The following HMGXB3 variants were observed in gnomAD, a reference collection of about 807,000 sequenced individuals.
HMGXB3 encodes the protein HMG-box containing 3, also known as HMG domain-containing protein 3.
HMGXB3 carries 45 observed loss-of-function variants against 121.5 expected under a neutral mutation model. The observed-to-expected ratio is 0.37, with a 90% CI of 0.29 to 0.47. The LOEUF is 0.47. Ranked by LOEUF, HMGXB3 falls within the 20% of genes least tolerant of loss-of-function variation. The probability of loss-of-function intolerance (pLI) is 0.99; values close to 1 mark genes in which losing one functional copy is unlikely to be tolerated. For missense variants in HMGXB3, 1,376 were observed against 1,602.2 expected (o/e 0.86, Z 2.41); for synonymous variants, 590 against 624.1 (o/e 0.95, Z 0.81).
chr5:150,024,566 A>C lies in HMGXB3; in HGVS notation c.1346A>C (p.Gln449Pro). ...TKTPVVKSGV[Q>P]PEVTLGTTDN... Reference sequence around the variant, plus strand: ...ACGCCAGTCGTCAAAAGTGGTGTGCAGCCTGAGGTCACTCTGGGGACAACT... The same window carrying C: ...ACGCCAGTCGTCAAAAGTGGTGTGCCGCCTGAGGTCACTCTGGGGACAACT... The change falls in exon 7 of 20, where the codon CAG becomes CCG. Residue 449 changes from glutamine (Q) to proline (P), a missense_variant. Coordinates refer to ENST00000502717, the MANE Select transcript of HMGXB3 (RefSeq NM_014983.3). 1.9e-6 allele frequency: 3 copies of C among 1,551,786 alleles called. No homozygotes were observed. Among genetic ancestry groups the C allele is most frequent in the Non-Finnish European group, 2.6e-6 (3 of 1,147,010 alleles).
At chr5:150,011,722 A>G (rs1755845743) in intron 4 of HMGXB3, among the ~76,000 whole-genome samples, 1 of 150,232 alleles carries the variant, frequency 6.7e-6, no homozygotes. Context: ...CTCCTGCCTC[A>G]GCCTCCAAGT....
rs550573130 is a variant in HMGXB3 at position 150,001,872 on chromosome 5, C to T, written c.-3+693C>T. 5.3e-5 allele frequency among the ~76,000 whole-genome samples: 8 copies of T among 152,318 alleles called. No homozygotes were observed. In the South Asian group the frequency reaches 1.7e-3, roughly 32 times the overall value. On this transcript the variant is annotated intron_variant, in intron 1 of 19. Transcript: ENST00000502717. ...CTATATGCCATTCATTACAGATGCT[C>T]TCCTGCAGTTACTGCCCTTCTCCAC...
chr5:150,034,188 T>G (rs1438766386), intron 11 of HMGXB3, among the ~76,000 whole-genome samples: 4 of 152,220 alleles, frequency 2.6e-5, no homozygotes, highest in African/African-American at 9.6e-5. Flanking sequence ...CTGCTGGAAG[T>G]AAGCTTTCTT....
In HMGXB3 at chr5:150,045,520, G is replaced by A. The variant is rs2113760904; in HGVS notation, c.2785G>A (p.Ala929Thr). 1 of 1,552,318 alleles carries A rather than the reference G, an allele frequency of 6.4e-7. No homozygotes were observed. Among genetic ancestry groups the A allele is most frequent in the East Asian group, 2.4e-5 (1 of 40,920 alleles). Residue 929 changes from alanine to threonine, a missense_variant, in exon 16 of 20, where the codon GCC becomes ACC. Ala to Thr is a moderately conservative substitution (Grantham distance 58). Coordinates refer to ENST00000502717, the MANE Select transcript of HMGXB3 (RefSeq NM_014983.3). ...SNEVNVEDFW[A>T]TMETEVIEQV... ...TGAGGTAAATGTGGAGGACTTTTGG[G>A]CCACGATGGAGACAGAGGTGATTGA...
chr5:150,045,012 G>A (rs1035510086), intron 15 of HMGXB3, among the ~76,000 whole-genome samples: 2 of 152,220 alleles, frequency 1.3e-5, no homozygotes, highest in Admixed American at 1.3e-4. Context: ...GTTCTTGCCA[G>A]CCTGGTATCA....
Position 150,052,535 on chromosome 5 carries a change from C to T in HMGXB3, c.*343C>T. The T allele has an allele frequency of 3.7e-6, 1 of 269,352 alleles. No individual in the cohort carries two copies. Among genetic ancestry groups the T allele is most frequent in the Non-Finnish European group, 7.1e-6 (1 of 140,454 alleles). 16.7% of individuals were successfully genotyped at this position (269,352 alleles called of 1,614,324 possible). On this transcript the variant is annotated 3_prime_UTR_variant, in exon 20 of 20. Coordinates refer to ENST00000502717, the MANE Select transcript of HMGXB3 (RefSeq NM_014983.3). ...GGTCAGGGTGGAGGTCCTGGGTGGG[C>T]TAAGGCGTGAGCCCCAGCACTAGGT...
chr5:150,036,028 C>G (rs1441145735), intron 11 of HMGXB3, among the ~76,000 whole-genome samples: 1 of 152,088 alleles, frequency 6.6e-6, no homozygotes, highest in South Asian at 2.1e-4. Flanking sequence ...TTTTTATGCC[C>G]CATTTCACAG....
intron 13 of HMGXB3, among the ~76,000 whole-genome samples, chr5:150,038,653 C>G (rs1478950575): frequency 2.6e-5 from 4 of 152,194 alleles, no homozygotes; most frequent in African/African-American, 7.2e-5. Flanking sequence ...TCATCTTTAT[C>G]CATATAGTGT....
intron 5 of HMGXB3, 37 bp downstream of exon 5, chr5:150,012,390 G>A (rs1171038019): frequency 2.2e-6 from 3 of 1,365,852 alleles, no homozygotes; most frequent in Non-Finnish European, 3.1e-6. Flanking sequence ...GGCAATTAGG[G>A]TGTCATAAGC....
At position 150,006,342 on chromosome 5, in the gene HMGXB3, C is replaced by G. The variant is rs1755700436; in HGVS notation, c.138-131C>G. 6.4e-6 allele frequency: 4 copies of G among 629,330 alleles called. No individual in the cohort carries two copies. In the South Asian group the frequency reaches 1.3e-4, roughly 20 times the overall value. The allele number at this position is 629,330 out of a possible 1,614,324, so 39.0% of individuals were successfully genotyped here. On this transcript the variant is annotated intron_variant, in intron 2 of 19. Coordinates refer to ENST00000502717, the MANE Select transcript of HMGXB3 (RefSeq NM_014983.3). ...TAGGTTTTATCAACCTCTTGACTAC[C>G]CATATCTTAGCATAGTAGTACTTAC...
Position 150,000,783 on chromosome 5 carries a change from G to C in HMGXB3, c.-399G>C. The C allele has an allele frequency of 6.5e-6, 1 of 154,832 alleles. No homozygotes were observed. The highest frequency in any genetic ancestry group is 5.2e-4 in the Middle Eastern group (1 of 1,910). The allele number at this position is 154,832 out of a possible 1,614,324, so 9.6% of individuals were successfully genotyped here. ...CTGCCGGTGCAGCCGCCAAACCGGTGCCTCGGTGACGACCGTGTCCCTGCC... is the reference window on the plus strand; with the variant it reads ...CTGCCGGTGCAGCCGCCAAACCGGTCCCTCGGTGACGACCGTGTCCCTGCC... On this transcript the variant is annotated 5_prime_UTR_variant, in exon 1 of 20. Transcript: ENST00000502717.
chr5:150,028,537 G>GTC (rs1739540436), intron 9 of HMGXB3, among the ~76,000 whole-genome samples: 1 of 57,658 alleles, frequency 1.7e-5, no homozygotes, highest in Non-Finnish European at 3.3e-5. Context: ...GTGTGTGTGT[G>GTC]TGTGTATATA....
chr5:150,032,431 G>C, intron 10 of HMGXB3, 23 bp from the exon 11 acceptor site: 2 of 1,548,528 alleles, frequency 1.3e-6, no homozygotes, highest in African/African-American at 2.7e-5. Context: ...TTGTAGAATT[G>C]AACACTGGTC....
rs914650061 is a variant in HMGXB3, at chr5:150,052,193, G to A, written c.*1G>A. The A allele has an allele frequency of 5.8e-6, 9 of 1,540,296 alleles. No individual in the cohort carries two copies. Among genetic ancestry groups the A allele is most frequent in the South Asian group, 4.8e-5 (4 of 83,546 alleles). On this transcript the variant is annotated 3_prime_UTR_variant, in exon 20 of 20. Transcript: ENST00000502717. ...GGAGGTGGCCGCAGTGGCAGAATAA[G>A]CCAGGCTGTTGTACAGGGACTACAC...
chr5:150,006,703 G>A, intron 3 of HMGXB3, 56 bp downstream of exon 3: 2 of 1,438,524 alleles, frequency 1.4e-6, no homozygotes, highest in Admixed American at 2.2e-5. Context: ...TGAAGGCCTT[G>A]GGAAAACCAA....
chr5:150,021,831 A>G, intron 6 of HMGXB3: 1 of 508,196 alleles, frequency 2.0e-6, no homozygotes, highest in Non-Finnish European at 3.9e-6. Flanking sequence ...TTCTCCAGGG[A>G]TTTTATGTTG....
At chr5:150,010,734 C>A in intron 4 of HMGXB3, 126 bp downstream of exon 4, 1 of 930,008 alleles carries the variant, frequency 1.1e-6, no homozygotes, top group Non-Finnish European at 1.6e-6. Flanking sequence ...ACTGATACTG[C>A]AGTTCTCTTG....
rs1363573997 is a variant in HMGXB3 at position 150,052,195 on chromosome 5, C to T, written c.*3C>T. 2.0e-6 allele frequency: 3 copies of T among 1,538,046 alleles called. No individual in the cohort carries two copies. The highest frequency in any genetic ancestry group is 1.8e-6 in the Non-Finnish European group (2 of 1,139,952). On this transcript the variant is annotated 3_prime_UTR_variant, in exon 20 of 20. Transcript: ENST00000502717. ...AGGTGGCCGCAGTGGCAGAATAAGCCAGGCTGTTGTACAGGGACTACACCA... is the reference window on the plus strand; with the variant it reads ...AGGTGGCCGCAGTGGCAGAATAAGCTAGGCTGTTGTACAGGGACTACACCA...
At chr5:150,017,007 C>T (rs1356937728) in intron 5 of HMGXB3, among the ~76,000 whole-genome samples, 1 of 152,184 alleles carries the variant, frequency 6.6e-6, no homozygotes. Flanking sequence ...AAAATAGGAA[C>T]AGCCTGCAGC....
Sources: allele counts gnomAD v4.1 joint callset (sites outside exome capture counted in the v4.1 genomes callset), GRCh38; gene constraint gnomAD v4.1.1; transcripts MANE v1.5; gene names NCBI Gene and HGNC (gene_info 2026-07-23, HGNC 2026-07-21).